Variants in BRI3BP observed in about 807,000 individuals in gnomAD.
BRI3BP encodes BRI3-binding protein.
BRI3BP carries 7 observed loss-of-function variants against 15.8 expected under a neutral mutation model. The observed-to-expected ratio is 0.44, with a 90% CI of 0.25 to 0.83. The LOEUF (loss-of-function observed/expected upper bound fraction) is 0.83. BRI3BP is among the 40% of genes least tolerant of loss of function. The pLI is 0.20. For synonymous variants in BRI3BP, 192 were observed against 163.5 expected (o/e 1.17, Z -1.33); for missense variants, 320 against 339.3 (o/e 0.94, Z 0.45).
the BRI3BP span, among the ~76,000 whole-genome samples, chr12:125,043,714 A>G: frequency 6.6e-6 from 1 of 152,086 alleles, no homozygotes; most frequent in Non-Finnish European, 1.5e-5. Context: ...AAAATTAGCC[A>G]GTCGTGGTTG....
At chr12:125,005,776 A>G (rs1045777941) in intron 1 of BRI3BP, among the ~76,000 whole-genome samples, 7 of 147,178 alleles carry the variant, frequency 4.8e-5, no homozygotes, top group Admixed American at 1.4e-4. Context: ...AGACTGTTTA[A>G]AAAAAAAAAA....
chr12:124,996,361 G>T (rs1199861479), intron 1 of BRI3BP, among the ~76,000 whole-genome samples: 5 of 151,780 alleles, frequency 3.3e-5, no homozygotes, highest in Admixed American at 1.3e-4. Context: ...GCTGGAGTGC[G>T]TTGGCACGAT....
chr12:125,027,070 G>A lies in BRI3BP; in HGVS notation c.*1640G>A, dbSNP rs770283346. 1 of 151,954 alleles carries A rather than the reference G, an allele frequency of 6.6e-6. No homozygotes were observed. Among genetic ancestry groups the A allele is most frequent in the Admixed American group, 6.6e-5 (1 of 15,242 alleles). 9.4% of individuals were successfully genotyped at this position (151,954 alleles called of 1,614,324 possible). On this transcript the variant is annotated 3_prime_UTR_variant, in exon 3 of 3. Coordinates refer to ENST00000341446, the MANE Select transcript of BRI3BP (RefSeq NM_080626.6). Reference sequence around the variant, plus strand: ...TGGCAACCCGCTCACAGTGCCCTGCGTGCAGGTTTATAGATAACCCCTGCC... The same window carrying A: ...TGGCAACCCGCTCACAGTGCCCTGCATGCAGGTTTATAGATAACCCCTGCC...
intron 1 of BRI3BP, among the ~76,000 whole-genome samples, chr12:124,996,757 C>CTTT (rs35063111): frequency 2.3e-5 from 3 of 132,596 alleles, no homozygotes; most frequent in Admixed American, 7.9e-5. Context: ...ACCCCATAGT[C>CTTT]TTTTTTTTTT....
At position 124,993,838 on chromosome 12, in the gene BRI3BP, G is replaced by GCTC; in HGVS notation, c.50_51insCCT (p.Leu25dup). 3.5e-6 allele frequency: 3 copies of GCTC among 855,552 alleles called. No individual in the cohort carries two copies. The highest frequency in any genetic ancestry group is 4.5e-6 in the Non-Finnish European group (3 of 670,834). 53.0% of individuals were successfully genotyped at this position (855,552 alleles called of 1,614,324 possible). On this transcript the variant is annotated inframe_insertion, in exon 1 of 3. Coordinates refer to ENST00000341446, the MANE Select transcript of BRI3BP (RefSeq NM_080626.6). ...GGCCCCTGGCCCGGGCCGGGCTCCT[G>GCTC]CTGCTGCTGCTGCTGCTGCTGCTGC...
At chr12:125,045,907 G>A in the BRI3BP span, among the ~76,000 whole-genome samples, 2 of 152,232 alleles carry the variant, frequency 1.3e-5, no homozygotes, top group East Asian at 1.9e-4. Flanking sequence ...ACTCACTCCT[G>A]TAATCCCAGA....
intron 1 of BRI3BP, among the ~76,000 whole-genome samples, chr12:125,004,719 T>C (rs1955127604): frequency 6.6e-6 from 1 of 152,154 alleles, no homozygotes; most frequent in Non-Finnish European, 1.5e-5. Flanking sequence ...GCCACCCTTT[T>C]CTGTCCCAGG....
intron 1 of BRI3BP, among the ~76,000 whole-genome samples, chr12:125,009,133 ACACTC>A (rs1420874086): frequency 6.6e-6 from 1 of 151,372 alleles, no homozygotes; most frequent in Non-Finnish European, 1.5e-5. Flanking sequence ...GCACAACACT[ACACTC>A]AGCTAATTTT....
intron 1 of BRI3BP, among the ~76,000 whole-genome samples, chr12:125,008,459 C>T (rs1300820521): frequency 6.6e-6 from 1 of 151,938 alleles, no homozygotes; most frequent in Non-Finnish European, 1.5e-5. Context: ...ACTACAGGCG[C>T]CCACCACCAC....
chr12:125,018,595 C>A lies in BRI3BP; in HGVS notation c.316+5959C>A, dbSNP rs77090556. On this transcript the variant is annotated intron_variant, in intron 2 of 2. Transcript: ENST00000341446. ...GGCCCGGGCAGATTCACCCTCGAGC[C>A]TCTGGAGCCAGCCCTGCTGACACGC... Among the ~76,000 whole-genome samples the A allele has an allele frequency of 6.6e-4, 101 of 152,258 alleles. 1 individual carries two copies. The East Asian group carries it at 0.018, about 27-fold the overall frequency.
intron 1 of BRI3BP, among the ~76,000 whole-genome samples, chr12:125,010,111 AAAG>A (rs1484368786): frequency 7.2e-5 from 11 of 152,180 alleles, no homozygotes; most frequent in South Asian, 6.2e-4. Context: ...CAAAAAAAAA[AAAG>A]AAGAAGAATA....
intron 1 of BRI3BP, 85 bp downstream of exon 1, chr12:124,994,088 C>T: frequency 1.0e-6 from 1 of 962,322 alleles, no homozygotes. Context: ...GGAGCGCGGC[C>T]TCCGGGGCTG....
rs942682343 is a variant in BRI3BP at position 125,027,696 on chromosome 12, C to CT, written c.*2277dup. On this transcript the variant is annotated 3_prime_UTR_variant, in exon 3 of 3. Coordinates refer to ENST00000341446, the MANE Select transcript of BRI3BP (RefSeq NM_080626.6). ...AAAAAAATTATTTGCTGGATCGAATCTTTTTTTTTTTGAGATGGAGTCTCA... is the reference window on the plus strand; with the variant it reads ...AAAAAAATTATTTGCTGGATCGAATCTTTTTTTTTTTTGAGATGGAGTCTCA... 4.2e-4 allele frequency: 61 copies of CT among 146,718 alleles called. No individual in the cohort carries two copies. Among genetic ancestry groups the CT allele is most frequent in the African/African-American group, 5.7e-4 (23 of 40,344 alleles). The allele number at this position is 146,718 out of a possible 1,614,324, so 9.1% of individuals were successfully genotyped here. A position where few individuals can be genotyped will look rare whatever the true frequency, so the allele number is the denominator to read the frequency against.
chr12:125,025,215 C>T lies in BRI3BP; in HGVS notation c.541C>T (p.Pro181Ser). Residue 181 changes from proline to serine, a missense_variant, in exon 3 of 3, where the codon CCG becomes TCG. By Grantham distance (74) the Pro-to-Ser change is moderately conservative (BLOSUM62 -1). Coordinates refer to ENST00000341446, the MANE Select transcript of BRI3BP (RefSeq NM_080626.6). ...VYILHKYEGE[P>S]ENAVLPLCFV... ...CATCCTGCACAAGTACGAGGGCGAG[C>T]CGGAGAACGCGGTGCTGCCGCTGTG... 1 of 1,614,120 alleles carries T rather than the reference C, an allele frequency of 6.2e-7. No homozygotes were observed. The highest frequency in any genetic ancestry group is 8.5e-7 in the Non-Finnish European group (1 of 1,180,034).
intron 1 of BRI3BP, among the ~76,000 whole-genome samples, chr12:125,003,506 A>G (rs1415280756): frequency 6.6e-6 from 1 of 152,198 alleles, no homozygotes; most frequent in Non-Finnish European, 1.5e-5. Flanking sequence ...AGGTCTTCCC[A>G]TGTAGCAACT....
chr12:125,035,946 C>T (rs192285020), downstream of BRI3BP, among the ~76,000 whole-genome samples: 8 of 152,234 alleles, frequency 5.3e-5, no homozygotes, highest in East Asian at 1.2e-3. Context: ...ATATCCAAAG[C>T]ACCTGTTCTG....
At chr12:125,002,581 C>G (rs1366688547) in intron 1 of BRI3BP, among the ~76,000 whole-genome samples, 1 of 151,918 alleles carries the variant, frequency 6.6e-6, no homozygotes, top group Non-Finnish European at 1.5e-5. Flanking sequence ...CTCAGCCTCC[C>G]GAGTAGCTGG....
chr12:125,020,879 CAAAT>C (rs139903644), intron 2 of BRI3BP, among the ~76,000 whole-genome samples: 76,018 of 151,116 alleles, frequency 0.5, 20,626 homozygotes, highest in African/African-American at 0.7. Context: ...GACTCTGTCT[CAAAT>C]AAATAAATAA....
intron 1 of BRI3BP, among the ~76,000 whole-genome samples, chr12:124,998,709 C>T (rs1488664800): frequency 2.0e-5 from 3 of 152,068 alleles, no homozygotes; most frequent in South Asian, 2.1e-4. Context: ...ATATTGTGAA[C>T]GTGCTCATGC....
Sources: allele counts gnomAD v4.1 joint callset (sites outside exome capture counted in the v4.1 genomes callset), GRCh38; gene constraint gnomAD v4.1.1; transcripts MANE v1.5; gene names NCBI Gene and HGNC (gene_info 2026-07-23, HGNC 2026-07-21).